LYPLAL1: variants seen among roughly 807,000 people sequenced by gnomAD.
The protein encoded by LYPLAL1 is lysophospholipase like 1.
In LYPLAL1, 23 loss-of-function variants were observed where a neutral mutation model predicts 19.7. The ratio of observed to expected loss-of-function variants is 1.17; its 90% CI spans 0.84 to 1.65. LYPLAL1 has a LOEUF of 1.65. Ranked by LOEUF, LYPLAL1 falls within the 40% of genes most tolerant of loss-of-function variation. LYPLAL1 has a pLI of 0.00. For missense variants in LYPLAL1, 355 were observed against 279.4 expected (o/e 1.27, Z -1.93); for synonymous variants, 119 against 96.3 (o/e 1.24, Z -1.38).
chr1:219,247,130 CA>C, the LYPLAL1 span, among the ~76,000 whole-genome samples: 1 of 152,108 alleles, frequency 6.6e-6, no homozygotes, highest in African/African-American at 2.4e-5. Context: ...AGATATTAAG[CA>C]AAAGATTATT....
intron 3 of LYPLAL1, among the ~76,000 whole-genome samples, chr1:219,208,070 A>C (rs1284944719): frequency 6.6e-6 from 1 of 152,010 alleles, no homozygotes; most frequent in Non-Finnish European, 1.5e-5. Context: ...AGCAACCTGA[A>C]ATTCCTTTGT....
At chr1:219,228,506 A>AT in the LYPLAL1 span, among the ~76,000 whole-genome samples, 11 of 151,110 alleles carry the variant, frequency 7.3e-5, no homozygotes, top group Non-Finnish European at 1.0e-4. Context: ...AGTAAATATG[A>AT]TTTTTTTTCA....
chr1:219,242,029 C>A, the LYPLAL1 span, among the ~76,000 whole-genome samples: 1 of 152,134 alleles, frequency 6.6e-6, no homozygotes, highest in South Asian at 2.1e-4. Context: ...CTTAGGAGAT[C>A]AATCTATGAT....
the LYPLAL1 span, among the ~76,000 whole-genome samples, chr1:219,240,306 T>A: frequency 6.6e-6 from 1 of 152,184 alleles, no homozygotes; most frequent in Non-Finnish European, 1.5e-5. Context: ...TAAACAAGCA[T>A]GGAAAAATCT....
the LYPLAL1 span, among the ~76,000 whole-genome samples, chr1:219,430,722 CA>C: frequency 2.6e-5 from 4 of 152,322 alleles, no homozygotes; most frequent in Admixed American, 6.5e-5. Context: ...AACACAACTC[CA>C]AATGCTAATG....
the LYPLAL1 span, among the ~76,000 whole-genome samples, chr1:219,249,983 C>T: frequency 6.6e-6 from 1 of 152,068 alleles, no homozygotes; most frequent in South Asian, 2.1e-4. Context: ...TTTTCACTCT[C>T]TTTGTGGTGT....
chr1:219,275,103 C>A, the LYPLAL1 span, among the ~76,000 whole-genome samples: 3 of 152,204 alleles, frequency 2.0e-5, no homozygotes, highest in Admixed American at 2.0e-4. Context: ...TCCCTGCCTA[C>A]AGTTGGGACC....
chr1:219,414,790 T>C, the LYPLAL1 span, among the ~76,000 whole-genome samples: 1 of 152,292 alleles, frequency 6.6e-6, no homozygotes, highest in South Asian at 2.1e-4. Context: ...CCAGATTCCA[T>C]CTTTATTCCA....
At chr1:219,253,604 TCTTTA>T in the LYPLAL1 span, among the ~76,000 whole-genome samples, 33,890 of 151,730 alleles carry the variant, frequency 0.22, 4,034 homozygotes, top group African/African-American at 0.28. Context: ...ATTTTCATAG[TCTTTA>T]CTTCTATTTT....
the LYPLAL1 span, among the ~76,000 whole-genome samples, chr1:219,430,588 C>G: frequency 5.4e-4 from 82 of 152,308 alleles, no homozygotes; most frequent in Non-Finnish European, 1.1e-3. Flanking sequence ...ACACAAATCA[C>G]TAAATGGGAG....
At chr1:219,211,087 C>T (rs1658997549) in intron 4 of LYPLAL1, among the ~76,000 whole-genome samples, 1 of 152,042 alleles carries the variant, frequency 6.6e-6, no homozygotes. Context: ...GCTTCAGTAC[C>T]AGAAGTGGAA....
chr1:219,176,163 A>G (rs1379099440), intron 1 of LYPLAL1, among the ~76,000 whole-genome samples: 1 of 152,208 alleles, frequency 6.6e-6, no homozygotes, highest in African/African-American at 2.4e-5. Flanking sequence ...AGCCTTTTCT[A>G]TTAATAAAGT....
At chr1:219,349,320 C>A in the LYPLAL1 span, among the ~76,000 whole-genome samples, 30,782 of 152,054 alleles carry the variant, frequency 0.2, 3,668 homozygotes, top group Admixed American at 0.31. Context: ...TAGGAGCTAA[C>A]CTAGAAGTTG....
At chr1:219,268,214 G>A in the LYPLAL1 span, among the ~76,000 whole-genome samples, 2 of 152,088 alleles carry the variant, frequency 1.3e-5, no homozygotes, top group African/African-American at 4.8e-5. Context: ...ATTAGGAGGT[G>A]GTAAATGCTA....
intron 3 of LYPLAL1, among the ~76,000 whole-genome samples, chr1:219,209,440 T>A (rs1658825346): frequency 6.6e-6 from 1 of 152,234 alleles, no homozygotes; most frequent in South Asian, 2.1e-4. Flanking sequence ...AATAGTTTTA[T>A]ATTTAAAATA....
chr1:219,432,851 T>A, the LYPLAL1 span, among the ~76,000 whole-genome samples: 1 of 152,232 alleles, frequency 6.6e-6, no homozygotes, highest in East Asian at 1.9e-4. Context: ...TTCAGCCCAC[T>A]GCATCTTGGG....
chr1:219,393,794 G>A, the LYPLAL1 span, among the ~76,000 whole-genome samples: 57 of 151,046 alleles, frequency 3.8e-4, no homozygotes, highest in African/African-American at 1.4e-3. Context: ...TTCTAAGTAA[G>A]ATAAAATACT....
chr1:219,424,410 G>T, the LYPLAL1 span, among the ~76,000 whole-genome samples: 1 of 152,188 alleles, frequency 6.6e-6, no homozygotes, highest in Admixed American at 6.5e-5. Flanking sequence ...GTGAGCTCAA[G>T]TTGGAGGACT....
At chr1:219,277,912 G>A in the LYPLAL1 span, among the ~76,000 whole-genome samples, 1 of 151,750 alleles carries the variant, frequency 6.6e-6, no homozygotes, top group South Asian at 2.1e-4. Flanking sequence ...TGTTTCCAAG[G>A]AGAAGAAGTT....
Sources: gnomAD v4.1 joint callset for allele counts (sites outside exome capture counted in the v4.1 genomes callset) on GRCh38, gnomAD v4.1.1 for gene constraint, MANE v1.5 for transcripts, NCBI Gene and HGNC (gene_info 2026-07-23, HGNC 2026-07-21) for gene names.